RHOJ: variants seen among roughly 807,000 people sequenced by gnomAD.
RHOJ encodes ras homolog family member J, also known as rho-related GTP-binding protein RhoJ.
Under a neutral mutation model 23.4 loss-of-function variants are expected in RHOJ, and 11 were observed. That is an observed-to-expected ratio of 0.47 (90% CI 0.30 to 0.78). The LOEUF (loss-of-function observed/expected upper bound fraction) is 0.78. Among genes scored for constraint, RHOJ ranks in the 30% least tolerant of loss-of-function variants. The pLI, the probability that RHOJ is intolerant of heterozygous loss-of-function variation, is 0.08. For missense variants in RHOJ, 254 were observed against 273.4 expected, an observed-to-expected ratio of 0.93 and a Z score of 0.50; for synonymous variants, 102 against 102.7, an observed-to-expected ratio of 0.99 and a Z score of 0.04.
chr14:63,208,208 C>T (rs1472643897), intron 1 of RHOJ, among the ~76,000 whole-genome samples: 3 of 152,144 alleles, frequency 2.0e-5, no homozygotes, highest in African/African-American at 4.8e-5. Flanking sequence ...GAAAAATCAA[C>T]GACCAGCTAC....
intron 1 of RHOJ, among the ~76,000 whole-genome samples, chr14:63,254,402 G>T (rs150950329): frequency 2.0e-5 from 3 of 152,058 alleles, no homozygotes; most frequent in Non-Finnish European, 4.4e-5. Flanking sequence ...AGCTTTATCC[G>T]TTTGATGTGA....
chr14:63,280,420 A>G (rs1383530493), intron 2 of RHOJ, among the ~76,000 whole-genome samples: 1 of 152,194 alleles, frequency 6.6e-6, no homozygotes, highest in Non-Finnish European at 1.5e-5. Context: ...AAGGGTACAA[A>G]GCTGCAGTTA....
chr14:63,216,484 T>C (rs984402812), intron 1 of RHOJ, among the ~76,000 whole-genome samples: 1 of 152,202 alleles, frequency 6.6e-6, no homozygotes, highest in African/African-American at 2.4e-5. Context: ...GCAATGACTA[T>C]GTTCACATTC....
At chr14:63,275,683 C>G (rs1318180427) in intron 2 of RHOJ, among the ~76,000 whole-genome samples, 1 of 152,214 alleles carries the variant, frequency 6.6e-6, no homozygotes, top group Non-Finnish European at 1.5e-5. Flanking sequence ...TTGAGCCTCT[C>G]TTTTAGATTA....
chr14:63,272,873 A>C (rs1895496320), intron 2 of RHOJ, among the ~76,000 whole-genome samples: 1 of 152,168 alleles, frequency 6.6e-6, no homozygotes, highest in African/African-American at 2.4e-5. Flanking sequence ...AAAATACAAA[A>C]TTAGCCGAGC....
At chr14:63,222,174 A>G (rs1011373476) in intron 1 of RHOJ, among the ~76,000 whole-genome samples, 6 of 152,110 alleles carry the variant, frequency 3.9e-5, no homozygotes, top group Admixed American at 3.9e-4. Context: ...TTATGGCTGC[A>G]TAGTATTCCA....
intron 1 of RHOJ, among the ~76,000 whole-genome samples, chr14:63,244,699 A>G (rs537058679): frequency 6.9e-4 from 105 of 152,370 alleles, no homozygotes; most frequent in Non-Finnish European, 1.3e-3. Context: ...TAGACACATT[A>G]TCTCTAATCC....
At chr14:63,245,295 A>T (rs74245172) in intron 1 of RHOJ, among the ~76,000 whole-genome samples, 1 of 143,146 alleles carries the variant, frequency 7.0e-6, no homozygotes, top group African/African-American at 2.7e-5. Flanking sequence ...TTGCTTCATT[A>T]AAAAAAAAAG....
At chr14:63,290,452 C>T (rs1882210928) in intron 4 of RHOJ, among the ~76,000 whole-genome samples, 1 of 152,136 alleles carries the variant, frequency 6.6e-6, no homozygotes, top group South Asian at 2.1e-4. Flanking sequence ...ATGATTTACA[C>T]ATTCTGCCTA....
chr14:63,219,588 C>T (rs552097847), intron 1 of RHOJ, among the ~76,000 whole-genome samples: 1 of 152,118 alleles, frequency 6.6e-6, no homozygotes, highest in African/African-American at 2.4e-5. Context: ...GAGGCCAAGG[C>T]GGGAGGATCA....
intron 1 of RHOJ, among the ~76,000 whole-genome samples, chr14:63,233,675 A>C (rs1462733931): frequency 6.6e-6 from 1 of 152,182 alleles, no homozygotes; most frequent in Non-Finnish European, 1.5e-5. Flanking sequence ...CAGGACAAAT[A>C]ACTCTTGAAT....
In RHOJ at chr14:63,286,228, T is replaced by G. The variant is rs565032652; in HGVS notation, c.498+3012T>G. ...TGGTCATTGAAAGTCACTTCACCACTGGTGTCTGGGTTACAAAGGCCAGAA... is the reference window on the plus strand; with the variant it reads ...TGGTCATTGAAAGTCACTTCACCACGGGTGTCTGGGTTACAAAGGCCAGAA... On this transcript the variant is annotated intron_variant, in intron 4 of 4. Transcript: ENST00000316754. Among the ~76,000 whole-genome samples the G allele has an allele frequency of 5.9e-5, 9 of 152,280 alleles. No homozygotes were observed. In the East Asian group the frequency reaches 1.7e-3, roughly 29 times the overall value.
At chr14:63,265,515 G>A (rs1456635294) in intron 1 of RHOJ, among the ~76,000 whole-genome samples, 1 of 152,100 alleles carries the variant, frequency 6.6e-6, no homozygotes, top group Non-Finnish European at 1.5e-5. Context: ...GTTCTTTTTT[G>A]ATTCCACATG....
intron 1 of RHOJ, among the ~76,000 whole-genome samples, chr14:63,245,367 C>T (rs1017617194): frequency 4.6e-5 from 7 of 151,896 alleles, no homozygotes; most frequent in East Asian, 1.9e-4. Flanking sequence ...TTCTCTTGGC[C>T]GGGTGCACTG....
chr14:63,286,360 CG>C (rs1407526004), intron 4 of RHOJ, among the ~76,000 whole-genome samples: 5 of 152,158 alleles, frequency 3.3e-5, no homozygotes, highest in Non-Finnish European at 5.9e-5. Flanking sequence ...AATACATTCA[CG>C]GAAGGAGGTT....
chr14:63,235,297 C>T (rs577253211), intron 1 of RHOJ, among the ~76,000 whole-genome samples: 49 of 150,168 alleles, frequency 3.3e-4, no homozygotes, highest in African/African-American at 1.2e-3. Context: ...CTGATTGGAT[C>T]CTGATTTTAA....
Position 63,269,171 on chromosome 14 carries a change from A to G in RHOJ, c.237+3A>G. 6.2e-7 allele frequency: 1 copy of G among 1,609,534 alleles called. No individual in the cohort carries two copies. The highest frequency in any genetic ancestry group is 8.5e-7 in the Non-Finnish European group (1 of 1,175,948). On this transcript the variant is annotated splice_donor_region_variant and intron_variant, in intron 2 of 4. Transcript: ENST00000316754. ...GACTGTATGACACCGCGGGACAGGT[A>G]CATTTTTATTATCTTGATTCATTGG...
intron 1 of RHOJ, among the ~76,000 whole-genome samples, chr14:63,257,110 T>A (rs1415371897): frequency 6.8e-6 from 1 of 146,680 alleles, no homozygotes; most frequent in Non-Finnish European, 1.5e-5. Context: ...TGGTGGCACA[T>A]GCCTGTAGTC....
At chr14:63,277,478 A>G (rs1439076510) in intron 2 of RHOJ, among the ~76,000 whole-genome samples, 1 of 152,134 alleles carries the variant, frequency 6.6e-6, no homozygotes, top group Non-Finnish European at 1.5e-5. Context: ...AGAGTAGAAA[A>G]GGGGGTGGAG....
Sources: gnomAD v4.1 joint callset for allele counts (sites outside exome capture counted in the v4.1 genomes callset) on GRCh38, gnomAD v4.1.1 for gene constraint, MANE v1.5 for transcripts, NCBI Gene and HGNC (gene_info 2026-07-23, HGNC 2026-07-21) for gene names.